The following GABRG3 variants were observed in gnomAD, a reference collection of about 807,000 sequenced individuals.
GABRG3 encodes the protein gamma-aminobutyric acid receptor subunit gamma-3.
Under a neutral mutation model 48.8 loss-of-function variants are expected in GABRG3, and 25 were observed. The ratio of observed to expected loss-of-function variants is 0.51; its 90% CI spans 0.37 to 0.72. The LOEUF (loss-of-function observed/expected upper bound fraction) is 0.72, where lower values mean the gene tolerates loss of function less well. Among genes scored for constraint, GABRG3 ranks in the 30% least tolerant of loss-of-function variants. The pLI is 0.00. For missense variants in GABRG3, 394 were observed against 577.9 expected (o/e 0.68, Z 3.26); for synonymous variants, 227 against 217.6 (o/e 1.04, Z -0.38).
chr15:27,254,164 A>T (rs765708127), intron 3 of GABRG3, among the ~76,000 whole-genome samples: 45 of 152,298 alleles, frequency 3.0e-4, no homozygotes, highest in Middle Eastern at 3.4e-3. Flanking sequence ...GCGACAATGC[A>T]GGTCCCTGGC....
At chr15:27,374,872 G>A (rs1895540492) in intron 5 of GABRG3, among the ~76,000 whole-genome samples, 1 of 152,186 alleles carries the variant, frequency 6.6e-6, no homozygotes, top group Non-Finnish European at 1.5e-5. Flanking sequence ...TGGAAGGCTT[G>A]ATGAACATCA....
chr15:27,323,016 G>C (rs549801139), intron 3 of GABRG3, among the ~76,000 whole-genome samples: 4 of 152,036 alleles, frequency 2.6e-5, no homozygotes, highest in East Asian at 1.9e-4. Context: ...GTGTTCTCCC[G>C]ATCTCATACT....
At chr15:27,325,274 C>T (rs1334375624) in intron 3 of GABRG3, among the ~76,000 whole-genome samples, 1 of 152,150 alleles carries the variant, frequency 6.6e-6, no homozygotes, top group African/African-American at 2.4e-5. Flanking sequence ...TGCCAAGTTT[C>T]GGAAGGCAGA....
chr15:27,131,416 G>A (rs1203109297), intron 3 of GABRG3, among the ~76,000 whole-genome samples: 1 of 151,882 alleles, frequency 6.6e-6, no homozygotes, highest in Non-Finnish European at 1.5e-5. Context: ...TCCTTTTAAT[G>A]TGTTGCTCAA....
intron 2 of GABRG3, among the ~76,000 whole-genome samples, chr15:26,979,170 G>C (rs1895006147): frequency 6.6e-6 from 1 of 152,138 alleles, no homozygotes; most frequent in Non-Finnish European, 1.5e-5. Context: ...ATTTTGGTAT[G>C]TTGATGTGTT....
chr15:27,181,376 G>A (rs975721230), intron 3 of GABRG3, among the ~76,000 whole-genome samples: 4 of 152,158 alleles, frequency 2.6e-5, no homozygotes, highest in African/African-American at 9.7e-5. Context: ...CAAGACTCTT[G>A]TTTTGGGGGA....
At chr15:27,516,064 T>G (rs2150860355) in intron 6 of GABRG3, among the ~76,000 whole-genome samples, 3 of 151,862 alleles carry the variant, frequency 2.0e-5, no homozygotes, top group Middle Eastern at 3.4e-3. Flanking sequence ...GGTATTTTAT[T>G]AATGTGGCCC....
intron 5 of GABRG3, among the ~76,000 whole-genome samples, chr15:27,339,356 G>T (rs1894086678): frequency 6.6e-6 from 1 of 152,236 alleles, no homozygotes; most frequent in Non-Finnish European, 1.5e-5. Flanking sequence ...GGACCTGTGA[G>T]TAAGAATCAA....
chr15:27,245,802 G>A (rs1392950010), intron 3 of GABRG3, among the ~76,000 whole-genome samples: 1 of 152,152 alleles, frequency 6.6e-6, no homozygotes, highest in African/African-American at 2.4e-5. Flanking sequence ...GAACCTGGGA[G>A]GCGGAGGTTG....
chr15:27,107,808 A>G (rs553637328), intron 3 of GABRG3, among the ~76,000 whole-genome samples: 2 of 151,990 alleles, frequency 1.3e-5, no homozygotes, highest in Admixed American at 6.6e-5. Flanking sequence ...CATTTCAACT[A>G]ATTATTAAAT....
chr15:27,278,366 A>G (rs1212272454), intron 3 of GABRG3, among the ~76,000 whole-genome samples: 2 of 151,978 alleles, frequency 1.3e-5, no homozygotes, highest in Admixed American at 6.6e-5. Flanking sequence ...CATTTTTACT[A>G]TATGTCTGGT....
chr15:27,045,793 A>G (rs1028391894), intron 3 of GABRG3, among the ~76,000 whole-genome samples: 3 of 152,226 alleles, frequency 2.0e-5, no homozygotes, highest in African/African-American at 4.8e-5. Flanking sequence ...GACAGCGGTC[A>G]ATGCCCGTGC....
At chr15:27,339,259 G>A (rs548609843) in intron 5 of GABRG3, among the ~76,000 whole-genome samples, 3 of 152,354 alleles carry the variant, frequency 2.0e-5, no homozygotes, top group East Asian at 3.9e-4. Context: ...ACATGTAGAC[G>A]TCAAGGTCCT....
At chr15:27,307,832 A>G (rs1483911467) in intron 3 of GABRG3, among the ~76,000 whole-genome samples, 1 of 126,112 alleles carries the variant, frequency 7.9e-6, no homozygotes, top group East Asian at 2.2e-4. Flanking sequence ...AAACATAAAC[A>G]TATATAAAAT....
intron 3 of GABRG3, among the ~76,000 whole-genome samples, chr15:27,226,120 G>A (rs1429240747): frequency 6.6e-6 from 1 of 152,130 alleles, no homozygotes; most frequent in Non-Finnish European, 1.5e-5. Flanking sequence ...GCAGAGAGGG[G>A]CTGAAAGTCA....
intron 3 of GABRG3, among the ~76,000 whole-genome samples, chr15:27,087,866 GGT>G (rs1293748274): frequency 3.3e-5 from 5 of 149,972 alleles, no homozygotes; most frequent in East Asian, 2.0e-4. Context: ...TGTGCTGTGG[GGT>G]GTGTGTGGTG....
chr15:27,287,942 T>C (rs1490039976), intron 3 of GABRG3, among the ~76,000 whole-genome samples: 1 of 152,060 alleles, frequency 6.6e-6, no homozygotes, highest in Non-Finnish European at 1.5e-5. Context: ...TTTCACTGTA[T>C]TAGCCAGGAT....
At chr15:27,127,850 AGT>A (rs1488276471) in intron 3 of GABRG3, among the ~76,000 whole-genome samples, 1 of 152,212 alleles carries the variant, frequency 6.6e-6, no homozygotes, top group Non-Finnish European at 1.5e-5. Context: ...CACAGTCGGC[AGT>A]AAGAATAGAG....
At chr15:27,356,464 C>A (rs1894845616) in intron 5 of GABRG3, among the ~76,000 whole-genome samples, 1 of 152,102 alleles carries the variant, frequency 6.6e-6, no homozygotes, top group Non-Finnish European at 1.5e-5. Context: ...TAACATGGTC[C>A]CTCGGCTCTT....
Sources: gnomAD v4.1 joint callset for allele counts (sites outside exome capture counted in the v4.1 genomes callset) on GRCh38, gnomAD v4.1.1 for gene constraint, MANE v1.5 for transcripts, NCBI Gene and HGNC (gene_info 2026-07-23, HGNC 2026-07-21) for gene names.